The following PDE4D variants were observed in gnomAD, a reference collection of about 807,000 sequenced individuals.
PDE4D encodes the protein phosphodiesterase 4D, also known as 3',5'-cyclic-AMP phosphodiesterase 4D.
In PDE4D, 24 loss-of-function variants were observed where a neutral mutation model predicts 87.4. That is an observed-to-expected ratio of 0.27 (90% CI 0.20 to 0.39). PDE4D has a LOEUF of 0.39. PDE4D is among the 10% of genes least tolerant of loss of function. PDE4D has a pLI of 1.00. For missense variants in PDE4D, 714 were observed against 1,041.0 expected, an observed-to-expected ratio of 0.69 and a Z score of 4.32; for synonymous variants, 384 against 383.2, an observed-to-expected ratio of 1.00 and a Z score of -0.02.
At chr5:60,417,444 C>A (rs190542427) in intron 1 of PDE4D, among the ~76,000 whole-genome samples, 1 of 152,300 alleles carries the variant, frequency 6.6e-6, no homozygotes, top group African/African-American at 2.4e-5. Flanking sequence ...CTTAGTAGTG[C>A]CAGTAGTACC....
intron 1 of PDE4D, among the ~76,000 whole-genome samples, chr5:59,813,445 TACACACACACAC>T (rs35313403): frequency 2.1e-4 from 30 of 143,156 alleles, no homozygotes; most frequent in African/African-American, 6.2e-4. Flanking sequence ...CATACACTTG[TACACACACACAC>T]ACACACACAC....
At chr5:60,470,464 A>G (rs1747729475) in intron 1 of PDE4D, among the ~76,000 whole-genome samples, 1 of 152,228 alleles carries the variant, frequency 6.6e-6, no homozygotes, top group African/African-American at 2.4e-5. Flanking sequence ...TACACTAAAC[A>G]ACAGATCTTC....
At chr5:60,019,634 C>T (rs573682354) in intron 2 of PDE4D, among the ~76,000 whole-genome samples, 2 of 152,318 alleles carry the variant, frequency 1.3e-5, no homozygotes, top group South Asian at 2.1e-4. Flanking sequence ...CTCCTAGCAT[C>T]TGACTTTTCT....
chr5:59,850,360 G>A (rs937824529), intron 1 of PDE4D, among the ~76,000 whole-genome samples: 1 of 151,924 alleles, frequency 6.6e-6, no homozygotes, highest in East Asian at 1.9e-4. Flanking sequence ...TATGCACATC[G>A]GGTTAGGAGT....
intron 1 of PDE4D, among the ~76,000 whole-genome samples, chr5:59,244,786 T>C (rs991992192): frequency 8.9e-5 from 13 of 146,596 alleles, no homozygotes; most frequent in African/African-American, 3.3e-4. Flanking sequence ...TAAAAATGTA[T>C]ATATATATAT....
chr5:59,342,866 C>T (rs191804609), intron 1 of PDE4D, among the ~76,000 whole-genome samples: 21 of 152,178 alleles, frequency 1.4e-4, no homozygotes, highest in African/African-American at 4.8e-4. Flanking sequence ...TTCTGAAATA[C>T]GTACACATTA....
At chr5:59,319,669 C>T (rs548853071) in intron 1 of PDE4D, among the ~76,000 whole-genome samples, 1 of 152,172 alleles carries the variant, frequency 6.6e-6, no homozygotes, top group South Asian at 2.1e-4. Flanking sequence ...CTGAGGTGAC[C>T]TATAACTACT....
intron 2 of PDE4D, among the ~76,000 whole-genome samples, chr5:59,990,429 C>G (rs1363474427): frequency 6.6e-6 from 1 of 151,940 alleles, no homozygotes; most frequent in Non-Finnish European, 1.5e-5. Flanking sequence ...TGATTTATAT[C>G]TTGAAAAAAG....
intron 1 of PDE4D, among the ~76,000 whole-genome samples, chr5:60,332,881 A>G (rs1757428467): frequency 6.6e-6 from 1 of 152,204 alleles, no homozygotes; most frequent in Non-Finnish European, 1.5e-5. Flanking sequence ...CAGAGAAGTC[A>G]AAGGGTAGAA....
chr5:60,271,905 TGAAGCTTGAAC>T (rs1394208399), intron 1 of PDE4D, among the ~76,000 whole-genome samples: 3 of 152,140 alleles, frequency 2.0e-5, no homozygotes, highest in African/African-American at 7.2e-5. Context: ...TTGCAGGAAA[TGAAGCTTGAAC>T]TTTACAAAAT....
chr5:58,988,263 T>C (rs1012305181), intron 11 of PDE4D, among the ~76,000 whole-genome samples: 9 of 152,142 alleles, frequency 5.9e-5, no homozygotes, highest in Admixed American at 5.2e-4. Context: ...AACACAGCAA[T>C]ATATTACTTT....
Position 59,638,922 on chromosome 5 carries a change from G to C in PDE4D, c.455+254246C>G, listed in dbSNP as rs74798791. On this transcript the variant is annotated intron_variant, in intron 1 of 14. Transcript: ENST00000340635. ...GTACTGAATTGCAGGATTTTGGTCA[G>C]TCACAGTTTCTTGCCAGAAGCACTA... Among the ~76,000 whole-genome samples the C allele has an allele frequency of 5.0e-3, 763 of 152,232 alleles. 11 individuals are homozygous for C. Among genetic ancestry groups the C allele is most frequent in the African/African-American group, 0.017 (713 of 41,542 alleles).
At chr5:59,990,380 T>A (rs188622512) in intron 2 of PDE4D, among the ~76,000 whole-genome samples, 185 of 152,320 alleles carry the variant, frequency 1.2e-3, no homozygotes, top group African/African-American at 4.2e-3. Context: ...TGATGCTCAC[T>A]CTTCACATTG....
chr5:59,612,614 T>C (rs1449636366), intron 1 of PDE4D, among the ~76,000 whole-genome samples: 2 of 152,150 alleles, frequency 1.3e-5, no homozygotes, highest in Non-Finnish European at 2.9e-5. Flanking sequence ...GATTATATGA[T>C]AACAGTTTGC....
intron 1 of PDE4D, among the ~76,000 whole-genome samples, chr5:60,347,981 C>T (rs187363663): frequency 6.6e-6 from 1 of 152,266 alleles, no homozygotes; most frequent in Admixed American, 6.5e-5. Flanking sequence ...AAGATTAAAG[C>T]TGGCCTTTGA....
intron 1 of PDE4D, among the ~76,000 whole-genome samples, chr5:59,798,527 A>C (rs925355267): frequency 6.6e-6 from 1 of 152,266 alleles, no homozygotes; most frequent in Non-Finnish European, 1.5e-5. Flanking sequence ...AGTAAGAAAA[A>C]TCTGGAGTTC....
At chr5:59,336,671 A>G (rs1041046339) in intron 1 of PDE4D, among the ~76,000 whole-genome samples, 6 of 152,230 alleles carry the variant, frequency 3.9e-5, no homozygotes, top group Non-Finnish European at 7.3e-5. Flanking sequence ...AATTGTTTTG[A>G]GGTATAACCA....
rs752409712 is a variant in PDE4D, at chr5:60,181,923, A to T, written c.42+3634T>A. Among the ~76,000 whole-genome samples, 13 of 152,250 alleles carry T rather than the reference A, an allele frequency of 8.5e-5. No homozygotes were observed. The South Asian group carries it at 1.7e-3, about 19-fold the overall frequency. ...TTTAAAATATATAATTACAACAAAA[A>T]TTTTTATATCCTGTTCTCTTGTCTG... is the stretch of plus-strand genomic sequence containing the variant. On this transcript the variant is annotated intron_variant, in intron 2 of 16. Transcript: ENST00000502484.
At chr5:59,102,417 A>T (rs1466993856) in intron 5 of PDE4D, among the ~76,000 whole-genome samples, 1 of 152,106 alleles carries the variant, frequency 6.6e-6, no homozygotes. Flanking sequence ...AAATCCAGAC[A>T]TGTTTTTATA....
Sources: allele counts gnomAD v4.1 joint callset (sites outside exome capture counted in the v4.1 genomes callset), GRCh38; gene constraint gnomAD v4.1.1; transcripts MANE v1.5; gene names NCBI Gene and HGNC (gene_info 2026-07-23, HGNC 2026-07-21).